The following RPS6KA1 variants were observed in gnomAD, a reference collection of about 807,000 sequenced individuals.
RPS6KA1 encodes the protein ribosomal protein S6 kinase alpha-1.
A neutral mutation model predicts 91.3 loss-of-function variants in RPS6KA1; 48 were observed. The observed-to-expected ratio is 0.53, with a 90% confidence interval of 0.42 to 0.67. The LOEUF (loss-of-function observed/expected upper bound fraction) is 0.67. Among genes scored for constraint, RPS6KA1 ranks in the 30% least tolerant of loss-of-function variants. RPS6KA1 has a pLI of 0.00. For missense variants in RPS6KA1, 719 were observed against 960.5 expected, an observed-to-expected ratio of 0.75 and a Z score of 3.32; for synonymous variants, 359 against 384.7, an observed-to-expected ratio of 0.93 and a Z score of 0.78.
At chr1:26,557,307 C>CT (rs1406399652) in intron 13 of RPS6KA1, among the ~76,000 whole-genome samples, 2 of 152,120 alleles carry the variant, frequency 1.3e-5, no homozygotes, top group Non-Finnish European at 2.9e-5. Context: ...CTGTGGGTCT[C>CT]TTTGTGTCTG....
At chr1:26,544,196 GGGGCTC>G (rs1190767313) in intron 2 of RPS6KA1, 14 of 456,134 alleles carry the variant, frequency 3.1e-5, no homozygotes, top group Non-Finnish European at 6.2e-5. Flanking sequence ...CAGTCTGCTT[GGGGCTC>G]GCTGACTCTC....
chr1:26,537,785 C>G (rs1184987195), intron 2 of RPS6KA1, among the ~76,000 whole-genome samples: 1 of 152,238 alleles, frequency 6.6e-6, no homozygotes. Context: ...CCATCCCCAC[C>G]ATTTAACCAG....
chr1:26,574,176 G>A lies in RPS6KA1; in HGVS notation c.2183G>A (p.Arg728Lys), dbSNP rs763692710. Residue 728 changes from arginine to lysine, a missense_variant, in exon 22 of 22, where the codon AGG (arginine) becomes AAG (lysine). This residue lies in a region of RPS6KA1 where 249 missense variants were observed against 323.1 expected (regional missense o/e 0.77). Transcript: ENST00000374168. The surrounding 1 kb of genome is among the most constrained non-coding windows in gnomAD (Gnocchi z 4.3). ...TCCATCCTGGCCCAGCGGCGAGTGA[G>A]GAAGTTGCCATCCACCACCCTGTGA... is the stretch of plus-strand genomic sequence containing the variant. Reference protein sequence around the residue: ...ESSILAQRRVRKLPSTTL With the variant: ...ESSILAQRRVKKLPSTTL 2 of 1,614,020 alleles carry A rather than the reference G, an allele frequency of 1.2e-6. No individual in the cohort carries two copies. Among genetic ancestry groups the A allele is most frequent in the Non-Finnish European group, 1.7e-6 (2 of 1,180,044 alleles).
At position 26,545,856 on chromosome 1, in the gene RPS6KA1, G is replaced by A. The variant is rs201434625; in HGVS notation, c.109-1011G>A. The A allele has an allele frequency of 7.6e-4, 1,160 of 1,530,910 alleles. 6 individuals carry two copies. In the African/African-American group the frequency reaches 0.014, roughly 18 times the overall value. The allele number at this position is 1,530,910 out of a possible 1,614,324, so 94.8% of individuals were successfully genotyped here. A position where few individuals can be genotyped will look rare whatever the true frequency, so the allele number is the denominator to read the frequency against. ...TCCCGGCCACCACTGCGGCAGCCCC[G>A]GACTCTGCCTGCTCCTGCCATGGTG... On this transcript the variant is annotated intron_variant, in intron 2 of 21. Coordinates refer to ENST00000374168, the MANE Select transcript of RPS6KA1 (RefSeq NM_002953.4).
Position 26,555,540 on chromosome 1 carries a change from G to A in RPS6KA1, c.831G>A (p.Ala277=), listed in dbSNP as rs764282862. 28 of 1,589,314 alleles carry A rather than the reference G, an allele frequency of 1.8e-5. No homozygotes were observed. Among genetic ancestry groups the A allele is most frequent in the Admixed American group, 3.5e-5 (2 of 57,584 alleles). The part of the protein sequence containing the change: ...RKETMTLILK[A]KLGMPQFLST... ...TGAGTCCCGGGGGCTGTTTCAGGGC[G>A]AAGCTAGGCATGCCCCAGTTTCTGA... Residue 277 remains alanine (A), a synonymous_variant, in exon 11 of 22, where the codon GCG becomes GCA. Transcript: ENST00000374168. This position sits in a 1 kb window ranked among gnomAD's most constrained non-coding sequence, Gnocchi z 4.3.
intron 1 of RPS6KA1, among the ~76,000 whole-genome samples, chr1:26,536,045 T>G (rs550334697): frequency 1.3e-4 from 20 of 151,652 alleles, no homozygotes; most frequent in African/African-American, 4.8e-4. Flanking sequence ...TCCCAGCTAC[T>G]TGGGAGGCTG....
chr1:26,542,016 C>T (rs889192237), intron 2 of RPS6KA1, among the ~76,000 whole-genome samples: 8 of 152,242 alleles, frequency 5.3e-5, no homozygotes, highest in Non-Finnish European at 1.2e-4. Context: ...CGCCCGCCAC[C>T]AGAGGCCTCA....
At chr1:26,567,516 G>A (rs1255723730) in intron 17 of RPS6KA1, among the ~76,000 whole-genome samples, 2 of 152,146 alleles carry the variant, frequency 1.3e-5, no homozygotes, top group East Asian at 3.8e-4. Flanking sequence ...GAGTAGCTGG[G>A]ACTACAGATG....
At position 26,538,666 on chromosome 1, in the gene RPS6KA1, A is replaced by G. The variant is rs144198993; in HGVS notation, c.108+1697A>G. On this transcript the variant is annotated intron_variant, in intron 2 of 21. Transcript: ENST00000374168. Reference sequence around the variant, plus strand: ...CTGTCCCCATTTTACAGATGAGAAAATTGAGGTTCAACATCACATAGCTGG... The same window carrying G: ...CTGTCCCCATTTTACAGATGAGAAAGTTGAGGTTCAACATCACATAGCTGG... Among the ~76,000 whole-genome samples, 427 of 152,298 alleles carry G rather than the reference A, an allele frequency of 2.8e-3. 2 individuals carry two copies. The highest frequency in any genetic ancestry group is 0.01 in the African/African-American group (418 of 41,562).
intron 6 of RPS6KA1, 101 bp from the exon 7 acceptor site, chr1:26,553,290 C>A: frequency 1.3e-6 from 1 of 744,500 alleles, no homozygotes; most frequent in Admixed American, 2.0e-5. Flanking sequence ...CAAGGGTCCT[C>A]CCAGGGTGGC....
At chr1:26,564,441 G>A (rs554062463) in intron 17 of RPS6KA1, among the ~76,000 whole-genome samples, 9 of 152,206 alleles carry the variant, frequency 5.9e-5, no homozygotes, top group Admixed American at 2.6e-4. Flanking sequence ...TGTATTTTTA[G>A]TAGAGACGGG....
intron 2 of RPS6KA1, among the ~76,000 whole-genome samples, chr1:26,539,010 A>G (rs1167173645): frequency 1.3e-5 from 2 of 152,190 alleles, no homozygotes; most frequent in African/African-American, 4.8e-5. Context: ...TGAAGTCAAT[A>G]TCCCCCACCT....
At chr1:26,541,615 A>G (rs182211922) in intron 2 of RPS6KA1, among the ~76,000 whole-genome samples, 2 of 152,348 alleles carry the variant, frequency 1.3e-5, no homozygotes, top group East Asian at 3.9e-4. Context: ...CACACTTACC[A>G]TCATCTCTCC....
chr1:26,545,824 G>C (rs1212086548), intron 2 of RPS6KA1: 2 of 1,447,032 alleles, frequency 1.4e-6, no homozygotes, highest in Non-Finnish European at 1.8e-6. Flanking sequence ...CTGCACATCC[G>C]CCTTGGTCCC....
At position 26,556,779 on chromosome 1, in the gene RPS6KA1, G is replaced by A. The variant is rs2076105631; in HGVS notation, c.981+61G>A. 7.5e-6 allele frequency: 12 copies of A among 1,591,322 alleles called. No individual in the cohort carries two copies. The South Asian group carries it at 1.2e-4, about 16-fold the overall frequency. On this transcript the variant is annotated intron_variant, in intron 12 of 21. Coordinates refer to ENST00000374168, the MANE Select transcript of RPS6KA1 (RefSeq NM_002953.4). The stretch of plus-strand genomic sequence containing the variant: ...GGCTCAGCCATCTTGGCCACAGGAA[G>A]GGTGGTGGGAGGGGAGCCTCTGCCA...
At chr1:26,556,412 T>C (rs950595649) in intron 11 of RPS6KA1, among the ~76,000 whole-genome samples, 5 of 152,222 alleles carry the variant, frequency 3.3e-5, no homozygotes, top group African/African-American at 1.2e-4. Flanking sequence ...GCCTAAAGTC[T>C]CTGGGCCTTC....
Position 26,554,622 on chromosome 1 carries a change from G to A in RPS6KA1, c.640G>A (p.Asp214Asn). The A allele has an allele frequency of 6.2e-7, 1 of 1,613,600 alleles. No homozygotes were observed. Among genetic ancestry groups the A allele is most frequent in the Non-Finnish European group, 8.5e-7 (1 of 1,179,612 alleles). ...TDFGLSKEAI[D>N]HEKKAYSFCG... ...CTTTGGCCTGAGCAAAGAGGCCATT[G>A]ACCACGAGAAGAAGGCCTATTCTTT... Residue 214 changes from aspartate to asparagine, a missense_variant, in exon 9 of 22, where the codon GAC (aspartate) becomes AAC (asparagine). Around this residue, in one of 5 missense-constraint regions of RPS6KA1, gnomAD observed 159 missense variants for 264.5 expected, o/e 0.60. Transcript: ENST00000374168. This position sits in a 1 kb window ranked among gnomAD's most constrained non-coding sequence, Gnocchi z 4.6.
In RPS6KA1 at chr1:26,555,105, G is replaced by C. The variant is rs778122649; in HGVS notation, c.757-46G>C. 1 of 1,588,814 alleles carries C rather than the reference G, an allele frequency of 6.3e-7. No homozygotes were observed. The highest frequency in any genetic ancestry group is 8.6e-7 in the Non-Finnish European group (1 of 1,157,498). ...CTGACTGGGAGGAGGCGGGAGGTGTGTCGGAGACAGGGATCAGAGCCTGAA... is the reference window on the plus strand; with the variant it reads ...CTGACTGGGAGGAGGCGGGAGGTGTCTCGGAGACAGGGATCAGAGCCTGAA... On this transcript the variant is annotated intron_variant, in intron 9 of 21. Transcript: ENST00000374168. The surrounding 1 kb of genome is among the most constrained non-coding windows in gnomAD (Gnocchi z 4.3).
At chr1:26,548,020 G>C (rs2076010842) in intron 4 of RPS6KA1, among the ~76,000 whole-genome samples, 1 of 152,104 alleles carries the variant, frequency 6.6e-6, no homozygotes, top group Non-Finnish European at 1.5e-5. Flanking sequence ...ACAAAGAAAT[G>C]AGCTGGGTGT....
Sources: gnomAD v4.1 joint callset for allele counts (sites outside exome capture counted in the v4.1 genomes callset) on GRCh38, gnomAD v4.1.1 for gene constraint, gnomAD v4.1.1 regional missense constraint, Gnocchi (gnomAD v3.1) non-coding constraint, MANE v1.5 for transcripts, NCBI Gene and HGNC (gene_info 2026-07-23, HGNC 2026-07-21) for gene names.